Variants in CALN1 observed in about 807,000 individuals in gnomAD.
The protein encoded by CALN1 is calneuron 1, also known as calcium-binding protein 8.
Under a neutral mutation model 30.6 loss-of-function variants are expected in CALN1, and 17 were observed. The observed-to-expected ratio is 0.56, with a 90% CI of 0.38 to 0.83. The LOEUF (loss-of-function observed/expected upper bound fraction) is 0.83. CALN1 is among the 40% of genes least tolerant of loss of function. The probability of loss-of-function intolerance (pLI) is 0.00; values close to 1 mark genes in which losing one functional copy is unlikely to be tolerated. For synonymous variants in CALN1, 156 were observed against 131.4 expected (o/e 1.19, Z -1.28); for missense variants, 291 against 354.9 (o/e 0.82, Z 1.45).
chr7:71,861,348 T>A (rs923637897), intron 5 of CALN1, among the ~76,000 whole-genome samples: 5 of 152,212 alleles, frequency 3.3e-5, no homozygotes, highest in Non-Finnish European at 5.9e-5. Context: ...TGAATTGGTC[T>A]CTTCACTTAA....
At chr7:71,795,864 G>A (rs1250607445) in intron 6 of CALN1, among the ~76,000 whole-genome samples, 3 of 137,590 alleles carry the variant, frequency 2.2e-5, no homozygotes, top group Non-Finnish European at 3.0e-5. Context: ...TGTCACCCAG[G>A]CTGGAGTGCA....
At chr7:71,805,499 T>G (rs1330571409) in intron 6 of CALN1, among the ~76,000 whole-genome samples, 1 of 152,164 alleles carries the variant, frequency 6.6e-6, no homozygotes, top group Non-Finnish European at 1.5e-5. Context: ...GGTGCTAGAT[T>G]CATCAAGACT....
At chr7:71,949,818 G>A (rs147385104) in intron 5 of CALN1, among the ~76,000 whole-genome samples, 25 of 151,626 alleles carry the variant, frequency 1.6e-4, no homozygotes, top group African/African-American at 5.3e-4. Context: ...CTGGAGTGCA[G>A]TGGCACGATC....
chr7:72,385,817 T>A (rs1195874215), intron 2 of CALN1, among the ~76,000 whole-genome samples: 2 of 152,164 alleles, frequency 1.3e-5, no homozygotes, highest in Non-Finnish European at 2.9e-5. Flanking sequence ...AGTCCTTGCT[T>A]CCCCTTCACC....
the CALN1 span, among the ~76,000 whole-genome samples, chr7:72,473,409 C>G: frequency 2.0e-5 from 3 of 151,972 alleles, no homozygotes; most frequent in Non-Finnish European, 1.5e-5. Context: ...CTTCCCAAGC[C>G]CGAGACTAAA....
rs1792843909 is a variant in CALN1, at chr7:71,783,780, T to C, written c.*3995A>G. ...TCTGAAACATATCGCTTTATGATTC[T>C]ATGAATGGGAAGTTGGGAGGGGCAT... On this transcript the variant is annotated 3_prime_UTR_variant, in exon 7 of 7. Transcript: ENST00000395275. 6.5e-6 allele frequency: 1 copy of C among 152,682 alleles called. No individual in the cohort carries two copies. Among genetic ancestry groups the C allele is most frequent in the Non-Finnish European group, 1.5e-5 (1 of 68,050 alleles). 9.5% of individuals were successfully genotyped at this position (152,682 alleles called of 1,614,324 possible).
At chr7:72,498,094 G>T in the CALN1 span, among the ~76,000 whole-genome samples, 4 of 152,058 alleles carry the variant, frequency 2.6e-5, no homozygotes, top group African/African-American at 9.7e-5. Context: ...GGAAAGAAAG[G>T]TTATTGATTT....
intron 5 of CALN1, among the ~76,000 whole-genome samples, chr7:71,959,583 T>C (rs984042224): frequency 8.6e-5 from 13 of 151,824 alleles, no homozygotes; most frequent in South Asian, 4.2e-4. Context: ...TTAGGACATC[T>C]CTACATATTC....
At chr7:72,101,593 G>A (rs751219575) in intron 4 of CALN1, among the ~76,000 whole-genome samples, 1 of 152,114 alleles carries the variant, frequency 6.6e-6, no homozygotes, top group Non-Finnish European at 1.5e-5. Context: ...GAAAATAAAT[G>A]TCTACAGCTG....
intron 2 of CALN1, among the ~76,000 whole-genome samples, chr7:72,326,561 G>C (rs1227555847): frequency 3.3e-5 from 5 of 152,242 alleles, no homozygotes; most frequent in Non-Finnish European, 7.3e-5. Flanking sequence ...AGGAATGCTG[G>C]AGGCTGAGAC....
chr7:71,805,254 G>T (rs1257259743), intron 6 of CALN1, among the ~76,000 whole-genome samples: 1 of 152,108 alleles, frequency 6.6e-6, no homozygotes, highest in African/African-American at 2.4e-5. Context: ...CCTAATTGGT[G>T]TGATTACCTG....
intron 5 of CALN1, among the ~76,000 whole-genome samples, chr7:71,971,840 TTGA>T (rs1797817489): frequency 2.7e-5 from 4 of 149,484 alleles, no homozygotes; most frequent in Admixed American, 6.7e-5. Flanking sequence ...TGAGGCTGCA[TTGA>T]GCTGTGATTG....
At chr7:71,819,316 C>G (rs968993599) in intron 5 of CALN1, among the ~76,000 whole-genome samples, 1 of 151,470 alleles carries the variant, frequency 6.6e-6, no homozygotes, top group Non-Finnish European at 1.5e-5. Context: ...TCAAGCAATT[C>G]TCCTGCCTCA....
chr7:71,963,486 G>A (rs1797361969), intron 5 of CALN1, among the ~76,000 whole-genome samples: 1 of 151,140 alleles, frequency 6.6e-6, no homozygotes, highest in Non-Finnish European at 1.5e-5. Flanking sequence ...TGTATTTTTA[G>A]TAGAGACAGG....
intron 3 of CALN1, among the ~76,000 whole-genome samples, chr7:72,120,407 T>C (rs867551973): frequency 1.3e-5 from 2 of 152,174 alleles, no homozygotes; most frequent in Admixed American, 1.3e-4. Context: ...TGATCAGTAT[T>C]CCATCCTATG....
intron 3 of CALN1, among the ~76,000 whole-genome samples, chr7:72,126,808 G>A (rs1808798135): frequency 6.8e-6 from 1 of 147,088 alleles, no homozygotes; most frequent in Admixed American, 6.8e-5. Context: ...TTATGGCTGG[G>A]AGGGTGGGAG....
intron 5 of CALN1, among the ~76,000 whole-genome samples, chr7:71,894,025 T>C (rs1793400556): frequency 6.6e-6 from 1 of 152,102 alleles, no homozygotes; most frequent in Non-Finnish European, 1.5e-5. Flanking sequence ...ACTCGTTTTT[T>C]ATATTCTGTC....
At chr7:72,106,823 AGGAAGGAAGGGAGGGAGGGGAGGAGGAG>A (rs1807185444) in intron 3 of CALN1, among the ~76,000 whole-genome samples, 2 of 40,718 alleles carry the variant, frequency 4.9e-5, no homozygotes, top group Admixed American at 2.9e-4. Flanking sequence ...GAAGGGAGGG[AGGAAGGAAGGGAGGGAGGGGAGGAGGAG>A]GGAAGGAAGG....
chr7:72,068,510 C>T (rs1043736573), intron 4 of CALN1, among the ~76,000 whole-genome samples: 3 of 151,974 alleles, frequency 2.0e-5, no homozygotes, highest in South Asian at 2.1e-4. Flanking sequence ...TTGTTTGAGA[C>T]GGAGTCTTAC....
Sources: allele counts gnomAD v4.1 joint callset (sites outside exome capture counted in the v4.1 genomes callset), GRCh38; gene constraint gnomAD v4.1.1; transcripts MANE v1.5; gene names NCBI Gene and HGNC (gene_info 2026-07-23, HGNC 2026-07-21).